Variants in RGS6 observed in about 807,000 individuals in gnomAD.
RGS6 encodes regulator of G protein signaling 6.
RGS6 carries 30 observed loss-of-function variants against 78.5 expected under a neutral mutation model. The observed-to-expected ratio is 0.38, with a 90% CI of 0.29 to 0.52. RGS6 has a LOEUF of 0.52. Ranked by LOEUF, RGS6 falls within the 20% of genes least tolerant of loss-of-function variation. RGS6 has a pLI of 0.85. For synonymous variants in RGS6, 206 were observed against 206.0 expected (o/e 1.00, Z 0.00); for missense variants, 495 against 609.7 (o/e 0.81, Z 1.98).
At chr14:71,977,673 G>T (rs950799770) in intron 2 of RGS6, among the ~76,000 whole-genome samples, 1 of 150,722 alleles carries the variant, frequency 6.6e-6, no homozygotes, top group African/African-American at 2.4e-5. Context: ...TAGCCTTGTA[G>T]TATAGTTTGA....
At chr14:72,082,269 A>G (rs2153477145) in intron 2 of RGS6, among the ~76,000 whole-genome samples, 1 of 152,234 alleles carries the variant, frequency 6.6e-6, no homozygotes, top group African/African-American at 2.4e-5. Context: ...TATTCTTCTA[A>G]TTTGTGAATA....
At chr14:71,938,000 G>T (rs1019492554) in intron 1 of RGS6, among the ~76,000 whole-genome samples, 1 of 152,154 alleles carries the variant, frequency 6.6e-6, no homozygotes, top group Non-Finnish European at 1.5e-5. Context: ...CTGAGCCCAT[G>T]CATAACCTCC....
intron 2 of RGS6, among the ~76,000 whole-genome samples, chr14:72,098,709 T>C (rs1308504515): frequency 6.6e-6 from 1 of 152,198 alleles, no homozygotes; most frequent in Non-Finnish European, 1.5e-5. Context: ...CAAAAATTGC[T>C]TCTAACCAAG....
chr14:72,378,689 T>C (rs1463962871), intron 3 of RGS6, among the ~76,000 whole-genome samples: 3 of 151,998 alleles, frequency 2.0e-5, no homozygotes, highest in Non-Finnish European at 4.4e-5. Flanking sequence ...TAAGATTAAA[T>C]CAGTAATAAA....
At chr14:72,623,148 CAA>C in the RGS6 span, among the ~76,000 whole-genome samples, 12 of 152,114 alleles carry the variant, frequency 7.9e-5, no homozygotes, top group Non-Finnish European at 1.3e-4. Context: ...AATGGAAAGA[CAA>C]ATCATATTTT....
At chr14:71,875,770 T>C in the RGS6 span, among the ~76,000 whole-genome samples, 4 of 152,232 alleles carry the variant, frequency 2.6e-5, no homozygotes, top group African/African-American at 7.2e-5. Context: ...CTGCTTTCTC[T>C]TGTGGGCATT....
At chr14:72,100,201 A>G (rs565138760) in intron 2 of RGS6, among the ~76,000 whole-genome samples, 3 of 152,268 alleles carry the variant, frequency 2.0e-5, no homozygotes, top group South Asian at 2.1e-4. Flanking sequence ...GGACGGCAGC[A>G]TGGATAAGAA....
chr14:72,125,946 G>T (rs2096181192), intron 2 of RGS6, among the ~76,000 whole-genome samples: 1 of 152,146 alleles, frequency 6.6e-6, no homozygotes. Context: ...ATACATTAGA[G>T]ATGTTACCTA....
chr14:71,987,438 C>T (rs949064867), intron 2 of RGS6, among the ~76,000 whole-genome samples: 9 of 152,204 alleles, frequency 5.9e-5, no homozygotes, highest in Non-Finnish European at 1.3e-4. Context: ...CAAGCAGATA[C>T]ATTCAAAATG....
intron 2 of RGS6, among the ~76,000 whole-genome samples, chr14:72,306,672 A>C (rs1191201301): frequency 2.0e-5 from 3 of 152,238 alleles, no homozygotes; most frequent in African/African-American, 7.2e-5. Flanking sequence ...TGGAAATAGC[A>C]AAAGAACTAG....
At chr14:72,457,496 G>A (rs905405763) in intron 4 of RGS6, among the ~76,000 whole-genome samples, 1 of 151,670 alleles carries the variant, frequency 6.6e-6, no homozygotes, top group Admixed American at 6.6e-5. Context: ...ACAGGGTCTC[G>A]CTGTGTTGCT....
chr14:72,343,760 C>T (rs1211500588), intron 2 of RGS6, among the ~76,000 whole-genome samples: 10 of 152,178 alleles, frequency 6.6e-5, no homozygotes, highest in Non-Finnish European at 1.5e-4. Flanking sequence ...CTCATTTATC[C>T]AGCAGTCTCA....
At chr14:72,490,445 C>T (rs182406820) in intron 12 of RGS6, among the ~76,000 whole-genome samples, 1 of 152,316 alleles carries the variant, frequency 6.6e-6, no homozygotes, top group East Asian at 1.9e-4. Context: ...ATTGGTGAAG[C>T]CTGGCCCCAG....
chr14:71,953,883 CCTCAGTTTTTG>C (rs2092560593), intron 1 of RGS6, among the ~76,000 whole-genome samples: 1 of 149,772 alleles, frequency 6.7e-6, no homozygotes, highest in Non-Finnish European at 1.5e-5. Flanking sequence ...TGATAAATTT[CCTCAGTTTTTG>C]CTTGTCTGTG....
At chr14:72,105,516 A>C (rs1479856301) in intron 2 of RGS6, among the ~76,000 whole-genome samples, 1 of 152,158 alleles carries the variant, frequency 6.6e-6, no homozygotes, top group African/African-American at 2.4e-5. Flanking sequence ...TTTTTTTCTG[A>C]AAATTCCAGG....
At chr14:72,106,842 CTGAG>C (rs771511346) in intron 2 of RGS6, among the ~76,000 whole-genome samples, 32 of 152,236 alleles carry the variant, frequency 2.1e-4, no homozygotes, top group Middle Eastern at 3.4e-3. Flanking sequence ...TCTGAACTTC[CTGAG>C]TATCAGCAGC....
chr14:72,164,155 A>G (rs2096892490), intron 2 of RGS6, among the ~76,000 whole-genome samples: 1 of 152,144 alleles, frequency 6.6e-6, no homozygotes. Context: ...ACTTGTCTAC[A>G]GCTGTCCTGT....
chr14:72,104,263 C>G (rs1261981796), intron 2 of RGS6, among the ~76,000 whole-genome samples: 1 of 152,162 alleles, frequency 6.6e-6, no homozygotes, highest in Non-Finnish European at 1.5e-5. Flanking sequence ...TTTTCCTTTC[C>G]TCTCTGTCAA....
chr14:71,902,921 A>G, the RGS6 span, among the ~76,000 whole-genome samples: 1 of 152,224 alleles, frequency 6.6e-6, no homozygotes, highest in Non-Finnish European at 1.5e-5. Context: ...AGGGCAGGTG[A>G]TGTGTCCGGT....
Sources: gnomAD v4.1 joint callset for allele counts (sites outside exome capture counted in the v4.1 genomes callset) on GRCh38, gnomAD v4.1.1 for gene constraint, MANE v1.5 for transcripts, NCBI Gene and HGNC (gene_info 2026-07-23, HGNC 2026-07-21) for gene names.